MEIOB: variants seen among roughly 807,000 people sequenced by gnomAD.
MEIOB encodes the protein meiosis specific with OB-fold.
Under a neutral mutation model 53.1 loss-of-function variants are expected in MEIOB, and 50 were observed. The observed-to-expected ratio is 0.94, with a 90% CI of 0.75 to 1.19. The LOEUF is 1.19. MEIOB is among the 50% of genes most tolerant of loss of function. The pLI is 0.00. For missense variants in MEIOB, 551 were observed against 550.8 expected, an observed-to-expected ratio of 1.00 and a Z score of 0.00; for synonymous variants, 192 against 182.5, an observed-to-expected ratio of 1.05 and a Z score of -0.42.
intron 6 of MEIOB, 35 bp from the exon 7 acceptor site, chr16:1,854,235 A>G (rs1899241961): frequency 7.9e-7 from 1 of 1,260,398 alleles, no homozygotes; most frequent in East Asian, 2.6e-5. Flanking sequence ...CTCTTCACCT[A>G]TATGTAGAAG....
intron 1 of MEIOB, among the ~76,000 whole-genome samples, chr16:1,869,482 C>T (rs534606280): frequency 1.3e-5 from 2 of 151,840 alleles, no homozygotes; most frequent in Admixed American, 1.3e-4. Flanking sequence ...GAGTTTCACT[C>T]TGTTGCCTAG....
intron 9 of MEIOB, among the ~76,000 whole-genome samples, chr16:1,847,230 G>A (rs1009179101): frequency 1.3e-5 from 2 of 151,920 alleles, no homozygotes; most frequent in East Asian, 3.9e-4. Context: ...GGGAGGCTGA[G>A]GCAGGTGGAT....
intron 3 of MEIOB, among the ~76,000 whole-genome samples, chr16:1,862,698 A>G (rs1458290112): frequency 1.3e-5 from 2 of 152,152 alleles, no homozygotes; most frequent in South Asian, 4.1e-4. Flanking sequence ...AGGCGGGTGG[A>G]TCACCTGAGG....
At chr16:1,858,477 A>G (rs1156963873) in intron 5 of MEIOB, among the ~76,000 whole-genome samples, 1 of 151,740 alleles carries the variant, frequency 6.6e-6, no homozygotes, top group Non-Finnish European at 1.5e-5. Context: ...CCTCCTCCCC[A>G]CTGCTCGGCC....
At position 1,845,393 on chromosome 16, in the gene MEIOB, G is replaced by A. The variant is rs772461790; in HGVS notation, c.779-430C>T. Reference sequence around the variant, plus strand: ...AAATTAACCAGGCGTGGTGGTGGGCGCCTGTAGTCCCAGCTAGTTGGGAGG... The same window carrying A: ...AAATTAACCAGGCGTGGTGGTGGGCACCTGTAGTCCCAGCTAGTTGGGAGG... On this transcript the variant is annotated intron_variant, in intron 9 of 13. Coordinates refer to ENST00000325962, the MANE Select transcript of MEIOB (RefSeq NM_001163560.3). Among the ~76,000 whole-genome samples, 5 of 152,172 alleles carry A rather than the reference G, an allele frequency of 3.3e-5. No individual in the cohort carries two copies. The South Asian group carries it at 8.3e-4, about 25-fold the overall frequency.
At chr16:1,845,477 G>A (rs539704960) in intron 9 of MEIOB, among the ~76,000 whole-genome samples, 19 of 151,854 alleles carry the variant, frequency 1.3e-4, no homozygotes, top group East Asian at 1.2e-3. Context: ...CTGAGATAGC[G>A]CCACTGCACT....
At chr16:1,861,912 A>C (rs894340134) in intron 4 of MEIOB, 73 bp downstream of exon 4, 1 of 1,370,752 alleles carries the variant, frequency 7.3e-7, no homozygotes, top group African/African-American at 1.5e-5. Context: ...CAACTCCTTC[A>C]GTATAGTTAC....
At chr16:1,857,701 GA>G (rs1899341417) in intron 6 of MEIOB, 33 bp downstream of exon 6, 4 of 1,529,594 alleles carry the variant, frequency 2.6e-6, no homozygotes, top group Non-Finnish European at 2.7e-6. Context: ...TCCCCTGCCA[GA>G]TTGCACTTGG....
In MEIOB at chr16:1,853,276, AT is replaced by A. The variant is rs767590092; in HGVS notation, c.630-6del. Reference sequence around the variant, plus strand: ...AGAATGGATTCATTATCCCAACTGCATTTGTTTAAAAAGAAGTAATACAAAT... The same window carrying A: ...AGAATGGATTCATTATCCCAACTGCATTGTTTAAAAAGAAGTAATACAAAT... On this transcript the variant is annotated splice_region_variant and splice_polypyrimidine_tract_variant and intron_variant, in intron 7 of 13. Coordinates refer to ENST00000325962, the MANE Select transcript of MEIOB (RefSeq NM_001163560.3). The A allele has an allele frequency of 2.6e-6, 4 of 1,544,712 alleles. No homozygotes were observed. In the East Asian group the frequency reaches 7.3e-5, roughly 28 times the overall value.
At chr16:1,859,913 G>A (rs570749399) in intron 5 of MEIOB, among the ~76,000 whole-genome samples, 6 of 152,240 alleles carry the variant, frequency 3.9e-5, no homozygotes, top group East Asian at 1.9e-4. Flanking sequence ...GCTCCCTCCC[G>A]GCTCCTGCTG....
chr16:1,872,129 G>A lies in MEIOB; in HGVS notation c.-146C>T, dbSNP rs1264937524. On this transcript the variant is annotated 5_prime_UTR_variant, in exon 1 of 14. Coordinates refer to ENST00000325962, the MANE Select transcript of MEIOB (RefSeq NM_001163560.3). Reference sequence around the variant, plus strand: ...GACGCTCGGGCCACAGCCTCGTGCAGGTGCGACGGCCGCGCGACCGTTAGC... The same window carrying A: ...GACGCTCGGGCCACAGCCTCGTGCAAGTGCGACGGCCGCGCGACCGTTAGC... 1 of 151,972 alleles carries A rather than the reference G, an allele frequency of 6.6e-6. No homozygotes were observed. The highest frequency in any genetic ancestry group is 2.4e-5 in the African/African-American group (1 of 41,416). 9.4% of individuals were successfully genotyped at this position (151,972 alleles called of 1,614,324 possible). A position where few individuals can be genotyped will look rare whatever the true frequency, so the allele number is the denominator to read the frequency against.
At chr16:1,861,254 G>C (rs543416938) in intron 4 of MEIOB, among the ~76,000 whole-genome samples, 34 of 152,264 alleles carry the variant, frequency 2.2e-4, no homozygotes, top group South Asian at 8.3e-4. Flanking sequence ...AGATGTAAAA[G>C]ATTTGGTATT....
intron 4 of MEIOB, among the ~76,000 whole-genome samples, chr16:1,861,608 T>C (rs1567280515): frequency 6.8e-6 from 1 of 147,914 alleles, no homozygotes; most frequent in African/African-American, 2.5e-5. Flanking sequence ...AGAGGTACGA[T>C]GTTGGCTCGC....
At chr16:1,863,888 A>G (rs916287795) in intron 3 of MEIOB, among the ~76,000 whole-genome samples, 1 of 152,316 alleles carries the variant, frequency 6.6e-6, no homozygotes, top group East Asian at 1.9e-4. Flanking sequence ...GGCTGGGCGC[A>G]GTTGCTCCTG....
chr16:1,867,320 C>A (rs116127145), intron 2 of MEIOB, among the ~76,000 whole-genome samples: 1 of 152,038 alleles, frequency 6.6e-6, no homozygotes, highest in Non-Finnish European at 1.5e-5. Context: ...AACTCCTACT[C>A]AAAGAGTCAA....
At chr16:1,863,650 C>T (rs568650099) in intron 3 of MEIOB, among the ~76,000 whole-genome samples, 2 of 151,908 alleles carry the variant, frequency 1.3e-5, no homozygotes, top group Admixed American at 1.3e-4. Flanking sequence ...TCCCAAAGTG[C>T]TGGCATGAGC....
At chr16:1,870,492 T>A (rs574130476) in intron 1 of MEIOB, among the ~76,000 whole-genome samples, 92 of 152,350 alleles carry the variant, frequency 6.0e-4, no homozygotes, top group African/African-American at 2.1e-3. Flanking sequence ...TAGTCAAATA[T>A]GATTTTGAAT....
Position 1,872,112 on chromosome 16 carries a change from G to T in MEIOB, c.-129C>A, listed in dbSNP as rs995675908. The stretch of plus-strand genomic sequence containing the variant: ...TCGCGGCTTCTCCACAGGACGCTCG[G>T]GCCACAGCCTCGTGCAGGTGCGACG... On this transcript the variant is annotated 5_prime_UTR_variant, in exon 1 of 14. Transcript: ENST00000325962. 2 of 151,890 alleles carry T rather than the reference G, an allele frequency of 1.3e-5. No homozygotes were observed. Among genetic ancestry groups the T allele is most frequent in the African/African-American group, 4.8e-5 (2 of 41,396 alleles). The allele number at this position is 151,890 out of a possible 1,614,324, so 9.4% of individuals were successfully genotyped here.
At chr16:1,837,705 TTATC>T (rs886333190) in intron 13 of MEIOB, 75 bp downstream of exon 13, 37 of 735,120 alleles carry the variant, frequency 5.0e-5, no homozygotes, top group Non-Finnish European at 4.3e-6. Context: ...ATTCTCGAAT[TTATC>T]TAGGTTTTTC....
Sources: allele counts gnomAD v4.1 joint callset (sites outside exome capture counted in the v4.1 genomes callset), GRCh38; gene constraint gnomAD v4.1.1; transcripts MANE v1.5; gene names NCBI Gene and HGNC (gene_info 2026-07-23, HGNC 2026-07-21).